The following ERBB4 variants were observed in gnomAD, a reference collection of about 807,000 sequenced individuals.
ERBB4 encodes the protein receptor tyrosine-protein kinase erbB-4.
Under a neutral mutation model 158.0 loss-of-function variants are expected in ERBB4, and 42 were observed. The ratio of observed to expected loss-of-function variants is 0.27; its 90% CI spans 0.21 to 0.34. The LOEUF (loss-of-function observed/expected upper bound fraction) is 0.34. Among genes scored for constraint, ERBB4 ranks in the 10% least tolerant of loss-of-function variants. The pLI, the probability that ERBB4 is intolerant of heterozygous loss-of-function variation, is 1.00. For synonymous variants in ERBB4, 583 were observed against 558.7 expected (o/e 1.04, Z -0.61); for missense variants, 1,333 against 1,624.1 (o/e 0.82, Z 3.08).
intron 1 of ERBB4, among the ~76,000 whole-genome samples, chr2:212,290,300 C>T (rs1253870818): frequency 1.3e-5 from 2 of 152,130 alleles, no homozygotes; most frequent in African/African-American, 2.4e-5. Flanking sequence ...AGTATCGTTC[C>T]AACGACTTCT....
At chr2:212,145,793 T>C (rs36107392) in intron 1 of ERBB4, among the ~76,000 whole-genome samples, 1 of 149,356 alleles carries the variant, frequency 6.7e-6, no homozygotes, top group Admixed American at 6.7e-5. Flanking sequence ...ATCCTTATCG[T>C]CTTATTTTTT....
intron 20 of ERBB4, among the ~76,000 whole-genome samples, chr2:211,531,967 A>G (rs529395666): frequency 6.6e-6 from 1 of 152,220 alleles, no homozygotes; most frequent in East Asian, 1.9e-4. Context: ...GCCATAAAAA[A>G]TGAGATCCTG....
chr2:211,703,702 T>A (rs559580791), intron 11 of ERBB4, among the ~76,000 whole-genome samples: 2 of 152,070 alleles, frequency 1.3e-5, no homozygotes, highest in Non-Finnish European at 2.9e-5. Flanking sequence ...TGACGTGTAG[T>A]TCAATTATAG....
intron 1 of ERBB4, among the ~76,000 whole-genome samples, chr2:212,321,593 A>C (rs2087570118): frequency 6.6e-6 from 1 of 150,514 alleles, no homozygotes; most frequent in Non-Finnish European, 1.5e-5. Flanking sequence ...CAACTACTGG[A>C]AGCTGAGATC....
At chr2:212,331,891 T>C (rs1243921174) in intron 1 of ERBB4, among the ~76,000 whole-genome samples, 1 of 152,066 alleles carries the variant, frequency 6.6e-6, no homozygotes, top group Non-Finnish European at 1.5e-5. Flanking sequence ...TGTAATTCAA[T>C]ATTTAAGCAG....
chr2:212,337,554 T>C (rs568211784), intron 1 of ERBB4, among the ~76,000 whole-genome samples: 2 of 152,216 alleles, frequency 1.3e-5, no homozygotes, highest in East Asian at 3.9e-4. Flanking sequence ...TGAATAAGAA[T>C]CACCAGGGGG....
chr2:212,077,132 T>C (rs1429889178), intron 2 of ERBB4, among the ~76,000 whole-genome samples: 1 of 151,964 alleles, frequency 6.6e-6, no homozygotes, highest in Non-Finnish European at 1.5e-5. Context: ...TAAAATTATA[T>C]ATAAAACCAA....
chr2:212,061,811 C>T (rs1335066309), intron 2 of ERBB4, among the ~76,000 whole-genome samples: 1 of 151,002 alleles, frequency 6.6e-6, no homozygotes, highest in African/African-American at 2.4e-5. Flanking sequence ...TCTCAGCTCA[C>T]CACAAACTCC....
chr2:212,436,858 G>C (rs1321506225), intron 1 of ERBB4, among the ~76,000 whole-genome samples: 1 of 152,014 alleles, frequency 6.6e-6, no homozygotes, highest in Non-Finnish European at 1.5e-5. Flanking sequence ...AGCAGGCAAA[G>C]AATGGAAGTG....
intron 20 of ERBB4, among the ~76,000 whole-genome samples, chr2:211,507,972 C>A (rs994955410): frequency 6.6e-6 from 1 of 152,088 alleles, no homozygotes; most frequent in African/African-American, 2.4e-5. Flanking sequence ...ACACCTTATA[C>A]ACAAATTAAC....
chr2:212,155,963 G>A (rs1028077674), intron 1 of ERBB4, among the ~76,000 whole-genome samples: 1 of 151,900 alleles, frequency 6.6e-6, no homozygotes, highest in Non-Finnish European at 1.5e-5. Context: ...AATATAACTG[G>A]CTTCCTTTGT....
chr2:212,224,955 C>T (rs1307729739), intron 1 of ERBB4, among the ~76,000 whole-genome samples: 2 of 151,980 alleles, frequency 1.3e-5, no homozygotes, highest in Non-Finnish European at 2.9e-5. Flanking sequence ...GTTCTTTATA[C>T]TGTTGAATAA....
chr2:211,914,383 A>AATCT (rs1185493571), intron 3 of ERBB4, among the ~76,000 whole-genome samples: 1 of 152,134 alleles, frequency 6.6e-6, no homozygotes, highest in Non-Finnish European at 1.5e-5. Context: ...TGTAAGTTTC[A>AATCT]ATCTATTGAT....
chr2:212,021,594 T>G (rs1387344728), intron 2 of ERBB4, among the ~76,000 whole-genome samples: 5 of 152,112 alleles, frequency 3.3e-5, no homozygotes. Flanking sequence ...AAGGCTTAAA[T>G]GTCAAACCCA....
rs1222798523 is a variant in ERBB4 at position 211,379,158 on chromosome 2, G to T, written c.*4457C>A. 4.4e-6 allele frequency: 1 copy of T among 229,814 alleles called. No individual in the cohort carries two copies. The highest frequency in any genetic ancestry group is 1.8e-4 in the South Asian group (1 of 5,494). 14.2% of individuals were successfully genotyped at this position (229,814 alleles called of 1,614,324 possible). A position where few individuals can be genotyped will look rare whatever the true frequency, so the allele number is the denominator to read the frequency against. ...TCATTTTTGGAGGCAAGAGGGCATA[G>T]TGAGAAAAGAAAGGACATATCACCA... On this transcript the variant is annotated 3_prime_UTR_variant, in exon 28 of 28. Coordinates refer to ENST00000342788, the MANE Select transcript of ERBB4 (RefSeq NM_005235.3).
intron 20 of ERBB4, among the ~76,000 whole-genome samples, chr2:211,488,313 A>T (rs2065257611): frequency 6.6e-6 from 1 of 151,982 alleles, no homozygotes; most frequent in Admixed American, 6.6e-5. Flanking sequence ...TATCACCCAA[A>T]TTTATTTTTG....
chr2:212,514,905 A>G (rs1359643749), intron 1 of ERBB4, among the ~76,000 whole-genome samples: 1 of 152,218 alleles, frequency 6.6e-6, no homozygotes, highest in Admixed American at 6.5e-5. Flanking sequence ...GTCGGTCACA[A>G]ATACATATTA....
intron 2 of ERBB4, among the ~76,000 whole-genome samples, chr2:211,987,229 G>A (rs2081960171): frequency 6.7e-6 from 1 of 149,676 alleles, no homozygotes; most frequent in African/African-American, 2.5e-5. Flanking sequence ...GCTGAGGCAG[G>A]AGAATCACTT....
At chr2:211,768,158 CTCTGTAATGA>C (rs1280527053) in intron 4 of ERBB4, among the ~76,000 whole-genome samples, 3 of 152,178 alleles carry the variant, frequency 2.0e-5, no homozygotes, top group Non-Finnish European at 2.9e-5. Flanking sequence ...ACCATTAAAA[CTCTGTAATGA>C]TCTCCTTTGG....
Sources: allele counts gnomAD v4.1 joint callset (sites outside exome capture counted in the v4.1 genomes callset), GRCh38; gene constraint gnomAD v4.1.1; transcripts MANE v1.5; gene names NCBI Gene and HGNC (gene_info 2026-07-23, HGNC 2026-07-21).